RGS6: variants seen among roughly 807,000 people sequenced by gnomAD.
The protein encoded by RGS6 is regulator of G-protein signaling 6.
A neutral mutation model predicts 78.5 loss-of-function variants in RGS6; 30 were observed. The observed-to-expected ratio is 0.38, with a 90% CI of 0.29 to 0.52. The LOEUF is 0.52. Among genes scored for constraint, RGS6 ranks in the 20% least tolerant of loss-of-function variants. RGS6 has a pLI of 0.85. For missense variants in RGS6, 495 were observed against 609.7 expected (o/e 0.81, Z 1.98); for synonymous variants, 206 against 206.0 (o/e 1.00, Z 0.00).
intron 10 of RGS6, 74 bp from the exon 11 acceptor site, chr14:72,476,668 T>A: frequency 1.7e-6 from 2 of 1,165,992 alleles, no homozygotes; most frequent in Non-Finnish European, 2.5e-6. Flanking sequence ...GGATGAGTCA[T>A]TGGACTAGCT....
chr14:72,201,380 A>C (rs1385016166), intron 2 of RGS6, among the ~76,000 whole-genome samples: 3 of 152,120 alleles, frequency 2.0e-5, no homozygotes, highest in Non-Finnish European at 4.4e-5. Context: ...TAAAGAGCTC[A>C]AGTCTGATAA....
chr14:72,133,144 C>T (rs541090173), intron 2 of RGS6, among the ~76,000 whole-genome samples: 14 of 152,154 alleles, frequency 9.2e-5, no homozygotes, highest in African/African-American at 2.6e-4. Flanking sequence ...TATTTGTTCC[C>T]GTATCATTTT....
At chr14:72,222,650 G>A (rs6574052) in intron 2 of RGS6, among the ~76,000 whole-genome samples, 3,229 of 152,258 alleles carry the variant, frequency 0.021, 95 homozygotes, top group African/African-American at 0.074. Context: ...TAACCCATAG[G>A]CTACCAAGTG....
intron 2 of RGS6, among the ~76,000 whole-genome samples, chr14:72,290,639 G>A (rs1000653686): frequency 6.6e-6 from 1 of 152,198 alleles, no homozygotes. Context: ...TGATAAGTCA[G>A]TGTGGCTTCT....
chr14:72,307,289 C>T (rs2067476778), intron 2 of RGS6, among the ~76,000 whole-genome samples: 1 of 151,746 alleles, frequency 6.6e-6, no homozygotes, highest in Non-Finnish European at 1.5e-5. Flanking sequence ...CCAAAAAATT[C>T]ATGTGACTTG....
intron 3 of RGS6, among the ~76,000 whole-genome samples, chr14:72,395,880 G>A (rs1012742143): frequency 3.3e-5 from 5 of 152,050 alleles, no homozygotes; most frequent in African/African-American, 1.2e-4. Flanking sequence ...TTTTATGGCT[G>A]CATAGTATTC....
the RGS6 span, among the ~76,000 whole-genome samples, chr14:72,577,489 A>G: frequency 7.9e-5 from 12 of 152,186 alleles, no homozygotes; most frequent in Non-Finnish European, 1.0e-4. Flanking sequence ...CCCACCTCTG[A>G]AAAACACCCA....
At position 72,198,633 on chromosome 14, in the gene RGS6, T is replaced by C. The variant is rs56869763; in HGVS notation, c.85-153462T>C. On this transcript the variant is annotated intron_variant, in intron 2 of 17. Transcript: ENST00000553525. Reference sequence around the variant, plus strand: ...TCGTAAAACTAGAGAAGAGAACAGATGGAAAGGACCTTGAAGTTCAGCTTC... The same window carrying C: ...TCGTAAAACTAGAGAAGAGAACAGACGGAAAGGACCTTGAAGTTCAGCTTC... Among the ~76,000 whole-genome samples the C allele has an allele frequency of 7.7e-3, 1,175 of 152,286 alleles. 17 individuals carry two copies. The highest frequency in any genetic ancestry group is 0.027 in the African/African-American group (1,135 of 41,558).
chr14:72,182,558 A>G (rs1436741444), intron 2 of RGS6, among the ~76,000 whole-genome samples: 1 of 152,196 alleles, frequency 6.6e-6, no homozygotes, highest in African/African-American at 2.4e-5. Flanking sequence ...ATGGCTTTTT[A>G]ATTCCCTGAG....
intron 2 of RGS6, among the ~76,000 whole-genome samples, chr14:72,286,368 A>G (rs1179979503): frequency 6.6e-6 from 1 of 152,142 alleles, no homozygotes; most frequent in East Asian, 1.9e-4. Context: ...ATTGATCTAT[A>G]TGTCTGTCTT....
intron 2 of RGS6, among the ~76,000 whole-genome samples, chr14:72,011,683 A>G (rs527614759): frequency 6.6e-6 from 1 of 152,348 alleles, no homozygotes; most frequent in East Asian, 1.9e-4. Context: ...CAGATGATTT[A>G]AAGTATAGAG....
chr14:72,442,458 G>C (rs1229676319), intron 3 of RGS6, among the ~76,000 whole-genome samples: 1 of 152,042 alleles, frequency 6.6e-6, no homozygotes, highest in East Asian at 1.9e-4. Flanking sequence ...TTACTCCCCT[G>C]TCTGTGTCCC....
intron 1 of RGS6, among the ~76,000 whole-genome samples, chr14:71,949,514 T>A (rs2092033311): frequency 6.6e-6 from 1 of 152,176 alleles, no homozygotes; most frequent in African/African-American, 2.4e-5. Context: ...AGATTTTTAA[T>A]CTTTTTCTCA....
At chr14:72,591,068 C>CA in the RGS6 span, among the ~76,000 whole-genome samples, 4 of 151,804 alleles carry the variant, frequency 2.6e-5, no homozygotes, top group Admixed American at 1.3e-4. Context: ...TAAATTCATA[C>CA]AAAAAAAAGA....
At position 72,562,660 on chromosome 14, in the gene RGS6, G is replaced by T. The variant is rs141017216; in HGVS notation, c.*193G>T. ...AGACCAGAAAGAAAGAGTCCACAGA[G>T]CCTGGGCTGGGCCCGGTGGAGGCTC... On this transcript the variant is annotated 3_prime_UTR_variant, in exon 18 of 18. Transcript: ENST00000553525. 7.9e-3 allele frequency: 12,062 copies of T among 1,536,140 alleles called. 72 individuals are homozygous for T. The highest frequency in any genetic ancestry group is 8.6e-3 in the Non-Finnish European group (9,858 of 1,146,914).
chr14:72,429,388 T>C (rs1262790138), intron 3 of RGS6, among the ~76,000 whole-genome samples: 1 of 152,028 alleles, frequency 6.6e-6, no homozygotes, highest in Non-Finnish European at 1.5e-5. Context: ...CAAAAAGAAG[T>C]CAGTGATCAG....
chr14:72,171,640 C>T (rs763422165), intron 2 of RGS6, among the ~76,000 whole-genome samples: 25 of 152,184 alleles, frequency 1.6e-4, no homozygotes, highest in Admixed American at 1.3e-4. Flanking sequence ...AACAATTTGT[C>T]CTCTGTCTGG....
chr14:71,896,079 G>A, the RGS6 span, among the ~76,000 whole-genome samples: 10 of 152,036 alleles, frequency 6.6e-5, no homozygotes, highest in Non-Finnish European at 1.3e-4. Context: ...GGAGATGGAG[G>A]GGCAAATAGA....
At chr14:71,897,051 A>G in the RGS6 span, among the ~76,000 whole-genome samples, 1 of 152,110 alleles carries the variant, frequency 6.6e-6, no homozygotes, top group African/African-American at 2.4e-5. Context: ...TTGCATATTT[A>G]TTAGTTTGTA....
Sources: gnomAD v4.1 joint callset for allele counts (sites outside exome capture counted in the v4.1 genomes callset) on GRCh38, gnomAD v4.1.1 for gene constraint, MANE v1.5 for transcripts, NCBI Gene and HGNC (gene_info 2026-07-23, HGNC 2026-07-21) for gene names.